The following FHIT variants were observed in gnomAD, a reference collection of about 807,000 sequenced individuals.
The protein encoded by FHIT is fragile histidine triad diadenosine triphosphatase, also known as bis(5'-adenosyl)-triphosphatase.
Under a neutral mutation model 17.9 loss-of-function variants are expected in FHIT, and 19 were observed. The ratio of observed to expected loss-of-function variants is 1.06; its 90% CI spans 0.74 to 1.56. FHIT has a LOEUF of 1.56. Ranked by LOEUF, FHIT falls within the 40% of genes most tolerant of loss-of-function variation. FHIT has a pLI of 0.00. For synonymous variants in FHIT, 81 were observed against 69.7 expected (o/e 1.16, Z -0.81); for missense variants, 248 against 189.2 (o/e 1.31, Z -1.82).
At chr3:61,073,832 A>G (rs1051200225) in intron 2 of FHIT, among the ~76,000 whole-genome samples, 1 of 152,198 alleles carries the variant, frequency 6.6e-6, no homozygotes, top group African/African-American at 2.4e-5. Context: ...AGGCAGCTAT[A>G]AGGACACAAT....
At chr3:60,924,318 A>T (rs1221772083) in intron 3 of FHIT, among the ~76,000 whole-genome samples, 5 of 152,154 alleles carry the variant, frequency 3.3e-5, no homozygotes, top group African/African-American at 1.2e-4. Context: ...CAGTAGGGGC[A>T]GACTGACACC....
At chr3:61,170,367 T>C (rs1321495006) in intron 2 of FHIT, among the ~76,000 whole-genome samples, 1 of 152,212 alleles carries the variant, frequency 6.6e-6, no homozygotes, top group Admixed American at 6.5e-5. Context: ...TCTATCTCTG[T>C]AATCTTTATT....
chr3:60,167,144 A>T (rs1429721754), intron 5 of FHIT, among the ~76,000 whole-genome samples: 1 of 151,926 alleles, frequency 6.6e-6, no homozygotes, highest in Non-Finnish European at 1.5e-5. Flanking sequence ...TGCCTCATTA[A>T]CCTCTTATCC....
In FHIT at chr3:60,696,809, G is replaced by A. The variant is rs370352899; in HGVS notation, c.-18+125110C>T. Among the ~76,000 whole-genome samples, 68 of 152,282 alleles carry A rather than the reference G, an allele frequency of 4.5e-4. No homozygotes were observed. In the South Asian group the frequency reaches 6.2e-3, roughly 14 times the overall value. On this transcript the variant is annotated intron_variant, in intron 4 of 9. Transcript: ENST00000492590. ...CTGGTAAACATTACGACCTTAGGTTGAAGATGTGATTTACTCCACTGATAT... is the reference window on the plus strand; with the variant it reads ...CTGGTAAACATTACGACCTTAGGTTAAAGATGTGATTTACTCCACTGATAT...
intron 5 of FHIT, among the ~76,000 whole-genome samples, chr3:60,510,309 C>T (rs1020260007): frequency 1.3e-5 from 2 of 152,182 alleles, no homozygotes; most frequent in African/African-American, 4.8e-5. Context: ...TCCAATTTCA[C>T]ATATTCTGCA....
chr3:60,569,832 A>G (rs1269745317), intron 4 of FHIT, among the ~76,000 whole-genome samples: 1 of 145,532 alleles, frequency 6.9e-6, no homozygotes, highest in Admixed American at 7.2e-5. Context: ...GCTCACTGCA[A>G]CCTTCGCCTC....
chr3:60,966,645 A>G (rs1709758937), intron 3 of FHIT, among the ~76,000 whole-genome samples: 1 of 152,226 alleles, frequency 6.6e-6, no homozygotes, highest in South Asian at 2.1e-4. Context: ...GCAAGATTCA[A>G]TTATCATTTT....
intron 4 of FHIT, among the ~76,000 whole-genome samples, chr3:60,643,790 G>A (rs1432679514): frequency 6.6e-6 from 1 of 152,094 alleles, no homozygotes; most frequent in African/African-American, 2.4e-5. Context: ...GGAACGAATT[G>A]GCAGAATATA....
intron 5 of FHIT, among the ~76,000 whole-genome samples, chr3:60,487,556 A>C (rs9824052): frequency 0.096 from 14,679 of 152,234 alleles, 1,124 homozygotes; most frequent in East Asian, 0.39. Flanking sequence ...TTGGTGCAGC[A>C]ATTAATAGGT....
chr3:59,804,167 T>TG (rs1700106695), intron 8 of FHIT, among the ~76,000 whole-genome samples: 1 of 152,240 alleles, frequency 6.6e-6, no homozygotes, highest in African/African-American at 2.4e-5. Flanking sequence ...TCCTTGTCTC[T>TG]GGTTCATTTG....
intron 5 of FHIT, among the ~76,000 whole-genome samples, chr3:60,352,801 A>G (rs974741208): frequency 4.6e-5 from 7 of 152,132 alleles, no homozygotes; most frequent in Admixed American, 4.6e-4. Flanking sequence ...GGCTCAATGC[A>G]CCATACCTGA....
At chr3:60,323,881 A>G (rs1227578217) in intron 5 of FHIT, among the ~76,000 whole-genome samples, 1 of 152,196 alleles carries the variant, frequency 6.6e-6, no homozygotes, top group Non-Finnish European at 1.5e-5. Flanking sequence ...AAGGAAGATT[A>G]GCAAATACTA....
intron 3 of FHIT, among the ~76,000 whole-genome samples, chr3:60,992,045 G>C (rs1333064257): frequency 1.3e-5 from 2 of 152,174 alleles, no homozygotes; most frequent in African/African-American, 4.8e-5. Flanking sequence ...TAATTCAGAT[G>C]CTCACCAACA....
chr3:61,215,046 A>C (rs2039627004), intron 1 of FHIT, among the ~76,000 whole-genome samples: 1 of 151,638 alleles, frequency 6.6e-6, no homozygotes, highest in Non-Finnish European at 1.5e-5. Flanking sequence ...CCCACAGCCA[A>C]TATCATACTG....
At chr3:60,128,117 T>G (rs1705642256) in intron 5 of FHIT, among the ~76,000 whole-genome samples, 1 of 152,210 alleles carries the variant, frequency 6.6e-6, no homozygotes, top group African/African-American at 2.4e-5. Context: ...GAAATGAGAA[T>G]AAATGACTAA....
chr3:60,158,601 C>T (rs973336592), intron 5 of FHIT, among the ~76,000 whole-genome samples: 3 of 152,140 alleles, frequency 2.0e-5, no homozygotes, highest in African/African-American at 4.8e-5. Context: ...CGTAAGCCAC[C>T]GCGCCCGGCC....
chr3:60,020,472 C>T (rs1700513251), intron 5 of FHIT, among the ~76,000 whole-genome samples: 1 of 152,194 alleles, frequency 6.6e-6, no homozygotes, highest in South Asian at 2.1e-4. Flanking sequence ...CAAAATATCA[C>T]TGATTTTGAT....
intron 5 of FHIT, among the ~76,000 whole-genome samples, chr3:60,505,927 G>A (rs1576778200): frequency 6.6e-6 from 1 of 152,064 alleles, no homozygotes; most frequent in Non-Finnish European, 1.5e-5. Context: ...TACCAAATAT[G>A]GCCTCCTCAT....
chr3:60,107,588 T>C (rs966889570), intron 5 of FHIT, among the ~76,000 whole-genome samples: 4 of 152,208 alleles, frequency 2.6e-5, no homozygotes, highest in African/African-American at 9.6e-5. Flanking sequence ...TTATTTGCTC[T>C]ATCCCATTAG....
Sources: gnomAD v4.1 joint callset for allele counts (sites outside exome capture counted in the v4.1 genomes callset) on GRCh38, gnomAD v4.1.1 for gene constraint, MANE v1.5 for transcripts, NCBI Gene and HGNC (gene_info 2026-07-23, HGNC 2026-07-21) for gene names.